The following SORCS2 variants were observed in gnomAD, a reference collection of about 807,000 sequenced individuals.
SORCS2 encodes the protein sortilin related VPS10 domain containing receptor 2.
SORCS2 carries 100 observed loss-of-function variants against 141.6 expected under a neutral mutation model. The observed-to-expected ratio is 0.71, with a 90% CI of 0.60 to 0.83. The LOEUF is 0.83. SORCS2 is among the 40% of genes least tolerant of loss of function. SORCS2 has a pLI of 0.00. For missense variants in SORCS2, 1,646 were observed against 1,560.2 expected (o/e 1.05, Z -0.93); for synonymous variants, 789 against 676.9 (o/e 1.17, Z -2.57).
chr4:7,704,432 GA>G, intron 14 of SORCS2, 148 bp downstream of exon 14: 1 of 707,606 alleles, frequency 1.4e-6, no homozygotes, highest in Non-Finnish European at 2.3e-6. Flanking sequence ...GTGAGGACAG[GA>G]CCGAGGCTCC....
intron 1 of SORCS2, among the ~76,000 whole-genome samples, chr4:7,288,558 G>A (rs1280358898): frequency 8.3e-6 from 1 of 119,914 alleles, no homozygotes; most frequent in Admixed American, 8.1e-5. Flanking sequence ...GGCGGGGGGC[G>A]GGGGGCGGGG....
At chr4:7,438,555 A>G (rs1323463446) in intron 2 of SORCS2, among the ~76,000 whole-genome samples, 1 of 151,956 alleles carries the variant, frequency 6.6e-6, no homozygotes, top group Non-Finnish European at 1.5e-5. Context: ...TTCCTTCTCT[A>G]TTGATTAGTT....
At chr4:7,554,528 C>T (rs988591237) in intron 3 of SORCS2, among the ~76,000 whole-genome samples, 1 of 151,972 alleles carries the variant, frequency 6.6e-6, no homozygotes, top group Non-Finnish European at 1.5e-5. Flanking sequence ...GCTAGACAGC[C>T]CACCATTAGG....
chr4:7,647,362 G>T (rs879294312), intron 4 of SORCS2, among the ~76,000 whole-genome samples: 1 of 152,176 alleles, frequency 6.6e-6, no homozygotes. Flanking sequence ...AGAAAGAGAT[G>T]ATTTCACTCA....
At chr4:7,565,832 ATGATGG>A (rs879857058) in intron 3 of SORCS2, among the ~76,000 whole-genome samples, 11,247 of 78,588 alleles carry the variant, frequency 0.14, 539 homozygotes, top group Non-Finnish European at 0.19. Flanking sequence ...AATGGTGATG[ATGATGG>A]TGATGGTGAT....
At chr4:7,523,784 G>A (rs539500987) in intron 2 of SORCS2, among the ~76,000 whole-genome samples, 6 of 152,256 alleles carry the variant, frequency 3.9e-5, no homozygotes, top group African/African-American at 1.4e-4. Context: ...CAGACACTCA[G>A]CCCGTCACTG....
intron 2 of SORCS2, among the ~76,000 whole-genome samples, chr4:7,408,328 A>G (rs1405393636): frequency 6.6e-6 from 1 of 151,918 alleles, no homozygotes; most frequent in Non-Finnish European, 1.5e-5. Context: ...AGAAAAGACG[A>G]TATCTGTCTT....
chr4:7,586,984 G>T (rs960446022), intron 3 of SORCS2, among the ~76,000 whole-genome samples: 2 of 151,996 alleles, frequency 1.3e-5, no homozygotes, highest in African/African-American at 2.4e-5. Flanking sequence ...CAGAGTACAT[G>T]CAGGAGAGTG....
At chr4:7,302,287 C>T (rs1194832648) in intron 1 of SORCS2, among the ~76,000 whole-genome samples, 2 of 152,226 alleles carry the variant, frequency 1.3e-5, no homozygotes, top group Non-Finnish European at 2.9e-5. Flanking sequence ...AAGTAGCTTG[C>T]ACGTTGCTGG....
chr4:7,684,708 C>G (rs1302927153), intron 10 of SORCS2, among the ~76,000 whole-genome samples: 1 of 152,262 alleles, frequency 6.6e-6, no homozygotes, highest in Non-Finnish European at 1.5e-5. Flanking sequence ...GTGCCAGGCA[C>G]TGTTCTGCAG....
chr4:7,733,920 C>T (rs1711925474), intron 24 of SORCS2, among the ~76,000 whole-genome samples: 1 of 152,198 alleles, frequency 6.6e-6, no homozygotes, highest in Non-Finnish European at 1.5e-5. Context: ...CATTTATGGC[C>T]TCTGGCCCCT....
chr4:7,640,524 G>A (rs1720662176), intron 4 of SORCS2, among the ~76,000 whole-genome samples: 1 of 151,186 alleles, frequency 6.6e-6, no homozygotes, highest in Non-Finnish European at 1.5e-5. Flanking sequence ...GAGTGTATGT[G>A]GACGTGCGTG....
At chr4:7,538,796 G>T (rs1464965528) in intron 3 of SORCS2, among the ~76,000 whole-genome samples, 1 of 152,158 alleles carries the variant, frequency 6.6e-6, no homozygotes. Context: ...GTCTTCGTAG[G>T]GGAACTGCCA....
At chr4:7,443,606 T>C (rs569553399) in intron 2 of SORCS2, among the ~76,000 whole-genome samples, 4 of 152,310 alleles carry the variant, frequency 2.6e-5, no homozygotes, top group South Asian at 2.1e-4. Context: ...AGCCTTATCA[T>C]AAGGTGCAGA....
rs1018276722 is a variant in SORCS2, at chr4:7,381,826, G to A, written c.481-14462G>A. The A allele has an allele frequency of 4.7e-6, 4 of 854,992 alleles. No homozygotes were observed. The African/African-American group carries it at 7.3e-5, about 16-fold the overall frequency. The allele number at this position is 854,992 out of a possible 1,614,324, so 53.0% of individuals were successfully genotyped here. Reference sequence around the variant, plus strand: ...GCAGCCTGAAGGCCACCATGTGCCAGGAGCCAGGGCCAGAGAGCCTTAGGC... The same window carrying A: ...GCAGCCTGAAGGCCACCATGTGCCAAGAGCCAGGGCCAGAGAGCCTTAGGC... On this transcript the variant is annotated intron_variant, in intron 1 of 26. Transcript: ENST00000507866.
rs1726918362 is a variant in SORCS2 at position 7,192,736 on chromosome 4, G to T, written c.90G>T (p.Ser30=). The T allele has an allele frequency of 1.0e-6, 1 of 992,846 alleles. No homozygotes were observed. The highest frequency in any genetic ancestry group is 1.2e-6 in the Non-Finnish European group (1 of 836,596). 61.5% of individuals were successfully genotyped at this position (992,846 alleles called of 1,614,324 possible). Residue 30 remains serine (S), a synonymous_variant, in exon 1 of 27, where the codon TCG becomes TCT. Coordinates refer to ENST00000507866, the MANE Select transcript of SORCS2 (RefSeq NM_020777.3). The surrounding 1 kb of genome is among the most constrained non-coding windows in gnomAD (Gnocchi z 4.0). ...CCGGGGCTCCGCCGCCGCCGCGCTC[G>T]CCGCGCTCGCGGCCGCTCCTGCTGC... ...PSPGAPPPPR[S]PRSRPLLLLL... is the part of the protein sequence containing the mutation.
At chr4:7,293,910 C>A (rs573842361) in intron 1 of SORCS2, among the ~76,000 whole-genome samples, 3 of 152,210 alleles carry the variant, frequency 2.0e-5, no homozygotes, top group African/African-American at 7.2e-5. Flanking sequence ...TCCAGCAGGG[C>A]GCATTTGGAT....
intron 23 of SORCS2, among the ~76,000 whole-genome samples, chr4:7,731,463 A>C (rs922405835): frequency 6.6e-6 from 1 of 152,222 alleles, no homozygotes. Flanking sequence ...ATAGAAAAAA[A>C]AATCCTAAAA....
chr4:7,232,588 G>A (rs1027459178), intron 1 of SORCS2, among the ~76,000 whole-genome samples: 13 of 152,200 alleles, frequency 8.5e-5, no homozygotes, highest in African/African-American at 2.4e-5. Flanking sequence ...TTAGACTCCC[G>A]CTCAGCTCCT....
Sources: gnomAD v4.1 joint callset for allele counts (sites outside exome capture counted in the v4.1 genomes callset) on GRCh38, gnomAD v4.1.1 for gene constraint, Gnocchi (gnomAD v3.1) non-coding constraint, MANE v1.5 for transcripts, NCBI Gene and HGNC (gene_info 2026-07-23, HGNC 2026-07-21) for gene names.